NKAIN2: variants seen among roughly 807,000 people sequenced by gnomAD.
NKAIN2 encodes sodium/potassium-transporting ATPase subunit beta-1-interacting protein 2.
A neutral mutation model predicts 32.6 loss-of-function variants in NKAIN2; 14 were observed. The ratio of observed to expected loss-of-function variants is 0.43; its 90% CI spans 0.28 to 0.67. The LOEUF (loss-of-function observed/expected upper bound fraction) is 0.67. Ranked by LOEUF, NKAIN2 falls within the 30% of genes least tolerant of loss-of-function variation. The pLI, the probability that NKAIN2 is intolerant of heterozygous loss-of-function variation, is 0.17. For missense variants in NKAIN2, 198 were observed against 258.3 expected (o/e 0.77, Z 1.60); for synonymous variants, 80 against 87.2 (o/e 0.92, Z 0.46).
intron 4 of NKAIN2, among the ~76,000 whole-genome samples, chr6:124,659,750 G>GT (rs1784678972): frequency 3.3e-5 from 5 of 151,870 alleles, no homozygotes; most frequent in Non-Finnish European, 7.4e-5. Context: ...GCTTCTGCTT[G>GT]GGAGGAAGGC....
chr6:124,496,447 C>G (rs569095349), intron 3 of NKAIN2, among the ~76,000 whole-genome samples: 20 of 152,240 alleles, frequency 1.3e-4, no homozygotes, highest in African/African-American at 4.8e-4. Context: ...GCACTGCCCT[C>G]AGAGATCCTG....
intron 1 of NKAIN2, among the ~76,000 whole-genome samples, chr6:124,069,281 C>G (rs1456946791): frequency 1.3e-5 from 2 of 152,186 alleles, no homozygotes; most frequent in East Asian, 3.9e-4. Context: ...GAGCAGTCAC[C>G]TAGCAAGAGT....
At chr6:124,286,034 TA>T (rs1243239113) in intron 2 of NKAIN2, among the ~76,000 whole-genome samples, 1 of 152,122 alleles carries the variant, frequency 6.6e-6, no homozygotes, top group African/African-American at 2.4e-5. Flanking sequence ...CATTATAAAA[TA>T]GCTTGACATA....
At chr6:123,881,017 A>G (rs923454681) in intron 1 of NKAIN2, among the ~76,000 whole-genome samples, 3 of 152,092 alleles carry the variant, frequency 2.0e-5, no homozygotes, top group Non-Finnish European at 2.9e-5. Context: ...CTTAACAGGA[A>G]CCACAAATGG....
chr6:123,862,744 A>C (rs1775833913), intron 1 of NKAIN2, among the ~76,000 whole-genome samples: 1 of 152,136 alleles, frequency 6.6e-6, no homozygotes, highest in African/African-American at 2.4e-5. Context: ...CCATGTTGGC[A>C]CCCACAAACG....
intron 4 of NKAIN2, among the ~76,000 whole-genome samples, chr6:124,721,359 G>A (rs71561806): frequency 0.18 from 26,354 of 147,914 alleles, 2,957 homozygotes; most frequent in Non-Finnish European, 0.27. Flanking sequence ...AGCGGAGATC[G>A]CGCCACAGCA....
At chr6:124,741,159 G>A (rs990555708) in intron 4 of NKAIN2, among the ~76,000 whole-genome samples, 9 of 151,486 alleles carry the variant, frequency 5.9e-5, no homozygotes, top group African/African-American at 2.4e-5. Context: ...GTTAGAGGAG[G>A]AAAATCAGTG....
chr6:124,603,344 T>A (rs138113324), intron 3 of NKAIN2, among the ~76,000 whole-genome samples: 1 of 151,928 alleles, frequency 6.6e-6, no homozygotes, highest in Non-Finnish European at 1.5e-5. Flanking sequence ...TTGAAATGGT[T>A]TTGTTGATAT....
rs1777582206 is a variant in NKAIN2 at position 123,956,196 on chromosome 6, A to G, written c.54+151942A>G. On this transcript the variant is annotated intron_variant, in intron 1 of 6. Coordinates refer to ENST00000368417, the MANE Select transcript of NKAIN2 (RefSeq NM_001040214.3). ...AGAATAGAAGGAAAAAAGGAAGGAA[A>G]AAAGGAAAACCGGTATCTATTTCTT... Among the ~76,000 whole-genome samples, 3 of 152,328 alleles carry G rather than the reference A, an allele frequency of 2.0e-5. No individual in the cohort carries two copies. The South Asian group carries it at 6.2e-4, about 32-fold the overall frequency.
intron 3 of NKAIN2, among the ~76,000 whole-genome samples, chr6:124,618,502 A>C (rs1253341554): frequency 6.6e-6 from 1 of 152,096 alleles, no homozygotes; most frequent in African/African-American, 2.4e-5. Context: ...TAAATAAATA[A>C]AAATTCTGTT....
intron 4 of NKAIN2, among the ~76,000 whole-genome samples, chr6:124,726,159 T>G (rs1940508763): frequency 6.6e-6 from 1 of 152,094 alleles, no homozygotes; most frequent in South Asian, 2.1e-4. Flanking sequence ...CCAGGCTTGA[T>G]TAGGTAAACA....
chr6:124,571,508 G>A (rs947973648), intron 3 of NKAIN2, among the ~76,000 whole-genome samples: 2 of 152,136 alleles, frequency 1.3e-5, no homozygotes, highest in African/African-American at 4.8e-5. Context: ...CATGAGATCT[G>A]ATGGATTTAT....
intron 3 of NKAIN2, among the ~76,000 whole-genome samples, chr6:124,525,521 G>C (rs913431427): frequency 1.3e-5 from 2 of 151,940 alleles, no homozygotes; most frequent in African/African-American, 4.8e-5. Flanking sequence ...ACTTAGTAAG[G>C]GGCAGAAGCA....
chr6:124,641,702 C>A (rs1324937152), intron 3 of NKAIN2, among the ~76,000 whole-genome samples: 1 of 151,420 alleles, frequency 6.6e-6, no homozygotes, highest in Non-Finnish European at 1.5e-5. Context: ...CAGGTGTGCA[C>A]CACCATGCCA....
chr6:124,398,029 G>A (rs930691962), intron 3 of NKAIN2, among the ~76,000 whole-genome samples: 3 of 151,640 alleles, frequency 2.0e-5, no homozygotes, highest in South Asian at 2.1e-4. Context: ...CGAGGCGGGC[G>A]GATCACGAGG....
chr6:124,546,934 C>T (rs762039079), intron 3 of NKAIN2, among the ~76,000 whole-genome samples: 3 of 152,134 alleles, frequency 2.0e-5, no homozygotes, highest in Non-Finnish European at 4.4e-5. Flanking sequence ...AGTCCTGATA[C>T]GTTGAGCACT....
At chr6:124,632,312 T>TAGGA (rs1783601178) in intron 3 of NKAIN2, among the ~76,000 whole-genome samples, 1 of 151,920 alleles carries the variant, frequency 6.6e-6, no homozygotes, top group African/African-American at 2.4e-5. Context: ...TAAAAATGAG[T>TAGGA]AGGAAGGAAG....
intron 1 of NKAIN2, among the ~76,000 whole-genome samples, chr6:124,073,196 C>T (rs1783538099): frequency 1.3e-5 from 2 of 152,184 alleles, no homozygotes; most frequent in Admixed American, 6.5e-5. Flanking sequence ...AAAACAATTC[C>T]CCGGGAGATT....
intron 1 of NKAIN2, among the ~76,000 whole-genome samples, chr6:124,187,232 T>C (rs1459408921): frequency 1.3e-5 from 2 of 152,224 alleles, no homozygotes; most frequent in African/African-American, 4.8e-5. Context: ...GGATTAGAGA[T>C]GACTTCATAA....
Sources: allele counts gnomAD v4.1 joint callset (sites outside exome capture counted in the v4.1 genomes callset), GRCh38; gene constraint gnomAD v4.1.1; transcripts MANE v1.5; gene names NCBI Gene and HGNC (gene_info 2026-07-23, HGNC 2026-07-21).